The following CACNA1E variants were observed in gnomAD, a reference collection of about 807,000 sequenced individuals.
The protein encoded by CACNA1E is voltage-dependent R-type calcium channel subunit alpha-1E.
In CACNA1E, 40 loss-of-function variants were observed where a neutral mutation model predicts 259.2. The observed-to-expected ratio is 0.15, with a 90% CI of 0.12 to 0.20. CACNA1E has a LOEUF of 0.20. Among genes scored for constraint, CACNA1E ranks in the 10% least tolerant of loss-of-function variants. The pLI, the probability that CACNA1E is intolerant of heterozygous loss-of-function variation, is 1.00. For synonymous variants in CACNA1E, 1,104 were observed against 1,138.5 expected (o/e 0.97, Z 0.61); for missense variants, 1,874 against 3,040.1 (o/e 0.62, Z 9.02).
At chr1:181,394,618 G>A (rs908403779) in intron 1 of CACNA1E, among the ~76,000 whole-genome samples, 1 of 152,154 alleles carries the variant, frequency 6.6e-6, no homozygotes, top group Non-Finnish European at 1.5e-5. Context: ...GGGAAAAGGG[G>A]AAAATAGGAT....
intron 3 of CACNA1E, among the ~76,000 whole-genome samples, chr1:181,530,241 C>T (rs538046074): frequency 1.2e-3 from 186 of 152,282 alleles, no homozygotes; most frequent in Non-Finnish European, 2.2e-3. Context: ...TTTCACCTCC[C>T]ATCATGATTC....
At chr1:181,654,710 C>T (rs917770613) in intron 7 of CACNA1E, among the ~76,000 whole-genome samples, 5 of 152,114 alleles carry the variant, frequency 3.3e-5, no homozygotes, top group Admixed American at 1.3e-4. Flanking sequence ...TTGGGCGGGG[C>T]GCGCTGGCTC....
chr1:181,428,138 C>T (rs1020985401), intron 2 of CACNA1E, among the ~76,000 whole-genome samples: 4 of 152,178 alleles, frequency 2.6e-5, no homozygotes, highest in South Asian at 2.1e-4. Flanking sequence ...GTCTTTCCCA[C>T]GCTATGCCCT....
intron 11 of CACNA1E, among the ~76,000 whole-genome samples, chr1:181,717,852 T>G (rs1654047923): frequency 6.6e-6 from 1 of 152,212 alleles, no homozygotes; most frequent in Non-Finnish European, 1.5e-5. Context: ...AGAGCAATGC[T>G]GATCTCTTGA....
chr1:181,715,189 G>C (rs1167792513), intron 8 of CACNA1E, 149 bp from the exon 9 acceptor site: 2 of 618,028 alleles, frequency 3.2e-6, no homozygotes, highest in Admixed American at 2.6e-5. Flanking sequence ...TGTGACACTT[G>C]CTTTCTTTCT....
intron 1 of CACNA1E, among the ~76,000 whole-genome samples, chr1:181,393,079 T>C (rs1656408530): frequency 6.6e-6 from 1 of 152,248 alleles, no homozygotes; most frequent in Non-Finnish European, 1.5e-5. Context: ...GGATTTTCTT[T>C]GTGGAGTGCT....
intron 3 of CACNA1E, among the ~76,000 whole-genome samples, chr1:181,526,083 G>C (rs1667338780): frequency 6.6e-6 from 1 of 152,144 alleles, no homozygotes; most frequent in Non-Finnish European, 1.5e-5. Context: ...GGGAGGGGAA[G>C]AATGGAAAGG....
At chr1:181,430,038 A>T (rs1448461883) in intron 2 of CACNA1E, among the ~76,000 whole-genome samples, 1 of 152,176 alleles carries the variant, frequency 6.6e-6, no homozygotes, top group Admixed American at 6.5e-5. Context: ...ACTGTCTGAG[A>T]TCATCTGATG....
intron 1 of CACNA1E, among the ~76,000 whole-genome samples, chr1:181,501,461 T>G (rs1665243537): frequency 6.6e-6 from 1 of 152,208 alleles, no homozygotes; most frequent in Non-Finnish European, 1.5e-5. Flanking sequence ...GGGAGTTCTT[T>G]GGTCTAAAGT....
chr1:181,417,704 T>C (rs1658376530), intron 2 of CACNA1E, among the ~76,000 whole-genome samples: 2 of 152,176 alleles, frequency 1.3e-5, no homozygotes, highest in Non-Finnish European at 2.9e-5. Flanking sequence ...CACATGCTTT[T>C]CCCTTAACTC....
intron 7 of CACNA1E, among the ~76,000 whole-genome samples, chr1:181,684,423 A>C (rs548032377): frequency 1.3e-5 from 2 of 152,100 alleles, no homozygotes; most frequent in African/African-American, 2.4e-5. Context: ...CCCACTCTGT[A>C]GGTTGTCTGT....
At position 181,651,278 on chromosome 1, in the gene CACNA1E, G is replaced by A. The variant is rs988104377; in HGVS notation, c.952-60G>A. On this transcript the variant is annotated intron_variant, in intron 6 of 47. Coordinates refer to ENST00000367573, the MANE Select transcript of CACNA1E (RefSeq NM_001205293.3). The stretch of plus-strand genomic sequence containing the variant: ...TCACCCTCTGTGCAGCTGCAAGAAT[G>A]TAAGCTTTACTTATGGAAGATGGCT... 7.2e-6 allele frequency: 8 copies of A among 1,110,372 alleles called. No homozygotes were observed. The African/African-American group carries it at 9.2e-5, about 13-fold the overall frequency. The allele number at this position is 1,110,372 out of a possible 1,614,324, so 68.8% of individuals were successfully genotyped here.
At position 181,802,743 on chromosome 1, in the gene CACNA1E, C is replaced by T. The variant is rs1381851785; in HGVS notation, c.*3909C>T. 1.3e-5 allele frequency: 2 copies of T among 152,170 alleles called. No homozygotes were observed. The highest frequency in any genetic ancestry group is 2.9e-5 in the Non-Finnish European group (2 of 68,030). 9.4% of individuals were successfully genotyped at this position (152,170 alleles called of 1,614,324 possible). A position where few individuals can be genotyped will look rare whatever the true frequency, so the allele number is the denominator to read the frequency against. On this transcript the variant is annotated 3_prime_UTR_variant, in exon 48 of 48. Transcript: ENST00000367573. Reference sequence around the variant, plus strand: ...AAAGCTCACTGCAGGAAAATGAGGTCTCCTGGCATAATGCAACAAAAATCT... The same window carrying T: ...AAAGCTCACTGCAGGAAAATGAGGTTTCCTGGCATAATGCAACAAAAATCT...
At chr1:181,363,839 C>T (rs1654067381) in intron 1 of CACNA1E, among the ~76,000 whole-genome samples, 1 of 152,156 alleles carries the variant, frequency 6.6e-6, no homozygotes, top group South Asian at 2.1e-4. Flanking sequence ...GGTGAGAGAG[C>T]TCTGGGAAGG....
At chr1:181,675,252 G>C (rs954833097) in intron 7 of CACNA1E, among the ~76,000 whole-genome samples, 2 of 152,180 alleles carry the variant, frequency 1.3e-5, no homozygotes, top group Non-Finnish European at 2.9e-5. Flanking sequence ...AGGAAAAGAG[G>C]AGGAGGCACA....
chr1:181,324,833 C>T (rs1037510284), intron 1 of CACNA1E, among the ~76,000 whole-genome samples: 2 of 152,078 alleles, frequency 1.3e-5, no homozygotes, highest in East Asian at 3.9e-4. Context: ...TGAGTAAGTT[C>T]CAGGTTGCTC....
intron 6 of CACNA1E, among the ~76,000 whole-genome samples, chr1:181,624,175 G>A (rs760253054): frequency 1.3e-5 from 2 of 152,054 alleles, no homozygotes; most frequent in Non-Finnish European, 2.9e-5. Context: ...GTCATCATTA[G>A]GATGGCACCA....
At chr1:181,702,869 G>A (rs554816614) in intron 7 of CACNA1E, among the ~76,000 whole-genome samples, 1 of 152,188 alleles carries the variant, frequency 6.6e-6, no homozygotes, top group African/African-American at 2.4e-5. Flanking sequence ...TTTTCCCTGA[G>A]GAATTATCAG....
At chr1:181,537,934 A>G (rs1051604077) in intron 3 of CACNA1E, among the ~76,000 whole-genome samples, 2 of 152,248 alleles carry the variant, frequency 1.3e-5, no homozygotes, top group Non-Finnish European at 2.9e-5. Context: ...CACTTAGCAT[A>G]GTACCTGAAA....
Sources: allele counts gnomAD v4.1 joint callset (sites outside exome capture counted in the v4.1 genomes callset), GRCh38; gene constraint gnomAD v4.1.1; transcripts MANE v1.5; gene names NCBI Gene and HGNC (gene_info 2026-07-23, HGNC 2026-07-21).